The following NUP85 variants were observed in gnomAD, a reference collection of about 807,000 sequenced individuals.
The protein encoded by NUP85 is nucleoporin 85.
NUP85 carries 23 observed loss-of-function variants against 92.8 expected under a neutral mutation model. The ratio of observed to expected loss-of-function variants is 0.25; its 90% confidence interval spans 0.18 to 0.35. NUP85 has a LOEUF of 0.35. Among genes scored for constraint, NUP85 ranks in the 10% least tolerant of loss-of-function variants. The pLI is 1.00. For synonymous variants in NUP85, 314 were observed against 306.9 expected (o/e 1.02, Z -0.24); for missense variants, 759 against 822.8 (o/e 0.92, Z 0.95).
intron 14 of NUP85, 21 bp from the exon 15 acceptor site, chr17:75,232,830 C>G: frequency 1.2e-6 from 2 of 1,608,662 alleles, no homozygotes; most frequent in East Asian, 2.2e-5. Flanking sequence ...AGCCGTTTAC[C>G]TTTTCTTTTC....
At position 75,231,429 on chromosome 17, in the gene NUP85, T is replaced by C. The variant is rs1203740537; in HGVS notation, c.1178+6T>C. 2 of 1,614,146 alleles carry C rather than the reference T, an allele frequency of 1.2e-6. No homozygotes were observed. The highest frequency in any genetic ancestry group is 3.3e-5 in the Admixed American group (2 of 60,028). On this transcript the variant is annotated splice_donor_region_variant and intron_variant, in intron 12 of 18. Transcript: ENST00000245544. The surrounding 1 kb of genome is among the most constrained non-coding windows in gnomAD (Gnocchi z 4.6). ...CTCCAGTCACACAACCTCTAGTAAG[T>C]GGCCGGGAGGCACCGATCCTCCTCT... is the stretch of plus-strand genomic sequence containing the variant.
chr17:75,209,843 A>T lies in NUP85; in HGVS notation c.148A>T (p.Ser50Cys). 2.5e-6 allele frequency: 4 copies of T among 1,578,894 alleles called. No individual in the cohort carries two copies. The highest frequency in any genetic ancestry group is 3.4e-6 in the Non-Finnish European group (4 of 1,170,148). The change falls in exon 3 of 19, where the codon AGT becomes TGT. Residue 50 changes from serine (S) to cysteine (C), a missense_variant. Physicochemically the swap from Ser to Cys is moderately radical, Grantham distance 112. Transcript: ENST00000245544. Reference sequence around the variant, plus strand: ...TTCAGAAAAATCAGAGATGGTGCCAAGTTGCCCCTTTATCTATATCATCCG... The same window carrying T: ...TTCAGAAAAATCAGAGATGGTGCCATGTTGCCCCTTTATCTATATCATCCG... ...NKKEKSEMVP[S>C]CPFIYIIRKD...
At chr17:75,222,524 T>G (rs2075627070) in intron 7 of NUP85, among the ~76,000 whole-genome samples, 2 of 72,138 alleles carry the variant, frequency 2.8e-5, no homozygotes, top group East Asian at 4.5e-4. Context: ...TTTTTTTTTT[T>G]GAGATAGAGT....
chr17:75,228,822 G>C (rs1326718868), intron 11 of NUP85: 18 of 985,326 alleles, frequency 1.8e-5, no homozygotes, highest in Admixed American at 6.1e-5. Context: ...AGACCCTAAG[G>C]GGCAGAAAAG....
chr17:75,233,661 T>G (rs898541734), intron 16 of NUP85, among the ~76,000 whole-genome samples: 5 of 150,940 alleles, frequency 3.3e-5, no homozygotes, highest in African/African-American at 1.2e-4. Context: ...TGCAGTGGCG[T>G]GATCTCGGCT....
chr17:75,228,277 G>A, intron 11 of NUP85: 1 of 985,406 alleles, frequency 1.0e-6, no homozygotes, highest in African/African-American at 1.7e-5. Context: ...ATGAAGAGGG[G>A]TGAACAACAT....
intron 1 of NUP85, among the ~76,000 whole-genome samples, chr17:75,206,469 C>T (rs993453796): frequency 5.9e-4 from 90 of 151,832 alleles, no homozygotes; most frequent in African/African-American, 2.2e-3. Context: ...ACAGGAGGAT[C>T]TGAGACCTGT....
At position 75,212,070 on chromosome 17, in the gene NUP85, CTG is replaced by C. The variant is rs754154127; in HGVS notation, c.361+13_361+14del. The C allele has an allele frequency of 3.2e-5, 51 of 1,586,838 alleles. No individual in the cohort carries two copies. The highest frequency in any genetic ancestry group is 4.5e-5 in the East Asian group (2 of 44,016). On this transcript the variant is annotated intron_variant, in intron 4 of 18. Transcript: ENST00000245544. ...AAATGCACCAGGTTGCAAGTAAGGACTGTGTGCGCGTGCGCGCGTGTGTGTGT... is the reference window on the plus strand; with the variant it reads ...AAATGCACCAGGTTGCAAGTAAGGACTGTGCGCGTGCGCGCGTGTGTGTGT...
chr17:75,234,834 C>T, intron 17 of NUP85, 46 bp downstream of exon 17: 1 of 1,608,070 alleles, frequency 6.2e-7, no homozygotes, highest in South Asian at 1.1e-5. Context: ...TCAGTCCCTG[C>T]TAGAGCTTAG....
intron 7 of NUP85, among the ~76,000 whole-genome samples, chr17:75,221,766 TCTTA>T (rs2075605084): frequency 6.6e-6 from 1 of 152,144 alleles, no homozygotes; most frequent in Non-Finnish European, 1.5e-5. Context: ...AAGCCTGAGA[TCTTA>T]CTTAGGTTCC....
chr17:75,215,802 C>A lies in NUP85; in HGVS notation c.454C>A (p.Leu152Ile), dbSNP rs149203073. Reference sequence around the variant, plus strand: ...GCTCATCTGGAACCTGTGTGAGATTCTTTTTATTGAAGTGGCCCCAGGTAG... The same window carrying A: ...GCTCATCTGGAACCTGTGTGAGATTATTTTTATTGAAGTGGCCCCAGGTAG... ...MELIWNLCEI[L>I]FIEVAPAGPL... Residue 152 changes from leucine (L) to isoleucine (I), a missense_variant, in exon 6 of 19, where the codon CTT becomes ATT. Physicochemically the swap from Leu to Ile is conservative, Grantham distance 5. Coordinates refer to ENST00000245544, the MANE Select transcript of NUP85 (RefSeq NM_024844.5). 387 of 1,613,842 alleles carry A rather than the reference C, an allele frequency of 2.4e-4. No homozygotes were observed. Among genetic ancestry groups the A allele is most frequent in the South Asian group, 4.3e-4 (39 of 91,088 alleles).
chr17:75,233,275 G>A (rs541673864), intron 16 of NUP85, 117 bp downstream of exon 16: 28 of 781,286 alleles, frequency 3.6e-5, no homozygotes, highest in Admixed American at 3.4e-4. Context: ...TTGCATCAGT[G>A]GTCCCAGAAA....
At chr17:75,211,861 G>T in intron 3 of NUP85, 131 bp from the exon 4 acceptor site, 1 of 679,530 alleles carries the variant, frequency 1.5e-6, no homozygotes, top group Non-Finnish European at 2.6e-6. Context: ...AGCTTCAGAA[G>T]GTTAGGAGCT....
intron 1 of NUP85, among the ~76,000 whole-genome samples, chr17:75,206,513 A>G (rs1181911226): frequency 6.6e-6 from 1 of 152,116 alleles, no homozygotes; most frequent in East Asian, 1.9e-4. Context: ...GAACATCACT[A>G]GTTAAAGAGG....
intron 11 of NUP85, among the ~76,000 whole-genome samples, chr17:75,227,422 A>G (rs12939522): frequency 0.98 from 146,200 of 149,078 alleles, 71,755 homozygotes; most frequent in East Asian, 1. Context: ...TGCAACCTCC[A>G]CCTACTGGGT....
chr17:75,213,003 C>T (rs887530248), intron 4 of NUP85, 73 bp from the exon 5 acceptor site: 2 of 1,370,372 alleles, frequency 1.5e-6, no homozygotes, highest in African/African-American at 1.4e-5. Flanking sequence ...AAGCCATAGA[C>T]CCTGGAATAT....
chr17:75,230,992 C>T (rs555497338), intron 11 of NUP85: 73 of 261,162 alleles, frequency 2.8e-4, no homozygotes, highest in Admixed American at 2.0e-4. Flanking sequence ...AGTGCGGTGG[C>T]GTGATCTCGG....
At chr17:75,233,609 A>AT (rs1263119519) in intron 16 of NUP85, among the ~76,000 whole-genome samples, 2 of 143,592 alleles carry the variant, frequency 1.4e-5, no homozygotes, top group Non-Finnish European at 3.0e-5. Context: ...TTATTTATTT[A>AT]TTTTTTGGGG....
At chr17:75,214,326 A>T (rs1201640799) in intron 5 of NUP85, among the ~76,000 whole-genome samples, 1 of 152,120 alleles carries the variant, frequency 6.6e-6, no homozygotes, top group Non-Finnish European at 1.5e-5. Context: ...GTGTCTGTGG[A>T]CTGAAGGATG....
Sources: gnomAD v4.1 joint callset for allele counts (sites outside exome capture counted in the v4.1 genomes callset) on GRCh38, gnomAD v4.1.1 for gene constraint, Gnocchi (gnomAD v3.1) non-coding constraint, MANE v1.5 for transcripts, NCBI Gene and HGNC (gene_info 2026-07-23, HGNC 2026-07-21) for gene names.